The following ODAD2 variants were observed in gnomAD, a reference collection of about 807,000 sequenced individuals.
ODAD2 encodes outer dynein arm docking complex subunit 2, also known as outer dynein arm-docking complex subunit 2.
A neutral mutation model predicts 106.8 loss-of-function variants in ODAD2; 89 were observed. That is an observed-to-expected ratio of 0.83 (90% CI 0.70 to 0.99). ODAD2 has a LOEUF of 0.99. Among genes scored for constraint, ODAD2 ranks in the 50% least tolerant of loss-of-function variants. ODAD2 has a pLI of 0.00. For missense variants in ODAD2, 1,168 were observed against 1,238.5 expected (o/e 0.94, Z 0.85); for synonymous variants, 404 against 436.2 (o/e 0.93, Z 0.92).
chr10:27,871,617 T>C (rs1049891318), intron 17 of ODAD2, among the ~76,000 whole-genome samples: 6 of 152,252 alleles, frequency 3.9e-5, no homozygotes, highest in African/African-American at 7.2e-5. Flanking sequence ...TAGGGAATCC[T>C]TTCCCCATTT....
intron 16 of ODAD2, among the ~76,000 whole-genome samples, chr10:27,916,954 C>T (rs995633574): frequency 1.3e-5 from 2 of 152,052 alleles, no homozygotes; most frequent in African/African-American, 4.8e-5. Context: ...AAAATTTTCA[C>T]ACCCCTTTCT....
intron 10 of ODAD2, among the ~76,000 whole-genome samples, chr10:27,948,779 A>AGTTTTT (rs1847117159): frequency 2.5e-5 from 1 of 40,320 alleles, no homozygotes; most frequent in Non-Finnish European, 4.2e-5. Context: ...TGGCCTTTGG[A>AGTTTTT]TTTTTTTTTT....
At chr10:27,940,067 A>G in intron 13 of ODAD2, 60 bp from the exon 14 acceptor site, 2 of 1,177,858 alleles carry the variant, frequency 1.7e-6, no homozygotes, top group South Asian at 2.8e-5. Context: ...AACTGTTTAC[A>G]TTTATTAATA....
At chr10:27,934,867 G>A (rs1845852756) in intron 16 of ODAD2, 143 bp downstream of exon 16, 38 of 1,123,366 alleles carry the variant, frequency 3.4e-5, no homozygotes, top group Non-Finnish European at 4.3e-5. Flanking sequence ...TCATGATTTG[G>A]TAAACTTGTG....
intron 17 of ODAD2, among the ~76,000 whole-genome samples, chr10:27,889,183 G>T (rs1312200604): frequency 3.3e-5 from 5 of 152,146 alleles, no homozygotes; most frequent in African/African-American, 1.2e-4. Context: ...GTTGCCTGTG[G>T]CTGCTTCTTA....
At chr10:27,929,787 G>A (rs1394053790) in intron 16 of ODAD2, among the ~76,000 whole-genome samples, 1 of 152,174 alleles carries the variant, frequency 6.6e-6, no homozygotes, top group African/African-American at 2.4e-5. Context: ...GAAGTTTACA[G>A]CCAATGGTTT....
intron 14 of ODAD2, 119 bp downstream of exon 14, chr10:27,939,778 A>C (rs1846255041): frequency 4.1e-6 from 2 of 491,010 alleles, no homozygotes; most frequent in Admixed American, 4.2e-5. Context: ...AAAATCAAAT[A>C]AATAAATAAA....
chr10:27,865,337 C>A (rs1564443149), intron 17 of ODAD2, among the ~76,000 whole-genome samples: 2 of 152,226 alleles, frequency 1.3e-5, no homozygotes, highest in South Asian at 4.1e-4. Flanking sequence ...AGAGGGAACA[C>A]TACTTTATGA....
chr10:27,892,005 T>G (rs1240562219), intron 17 of ODAD2, among the ~76,000 whole-genome samples: 1 of 152,170 alleles, frequency 6.6e-6, no homozygotes, highest in Non-Finnish European at 1.5e-5. Context: ...CATCACAACT[T>G]CATAATACTG....
At chr10:27,850,444 CAAAAAAAAAAAAA>C (rs10713871) in intron 19 of ODAD2, among the ~76,000 whole-genome samples, 1 of 89,582 alleles carries the variant, frequency 1.1e-5, no homozygotes. Flanking sequence ...GACTCCGTCT[CAAAAAAAAAAAAA>C]AAAAAAAAAG....
chr10:27,853,310 T>C (rs979860384), intron 19 of ODAD2: 3 of 269,064 alleles, frequency 1.1e-5, no homozygotes, highest in African/African-American at 2.4e-5. Context: ...GAGGTTGCAG[T>C]GAGCCAAGAT....
chr10:27,987,747 G>A lies in ODAD2; in HGVS notation c.225-204C>T, dbSNP rs117212827. 1.7e-3 allele frequency among the ~76,000 whole-genome samples: 258 copies of A among 151,408 alleles called. 11 individuals carry two copies. In the East Asian group the frequency reaches 0.037, roughly 22 times the overall value. On this transcript the variant is annotated intron_variant, in intron 2 of 19. Transcript: ENST00000305242. ...CCTCAAACTTACCAGCAAGCCTAGTGACCAATAGGATATAACCAAGGAAGA... is the reference window on the plus strand; with the variant it reads ...CCTCAAACTTACCAGCAAGCCTAGTAACCAATAGGATATAACCAAGGAAGA...
chr10:27,944,392 G>T lies in ODAD2; in HGVS notation c.1573C>A (p.Pro525Thr), dbSNP rs1846717018. ...LKILKEISHN[P>T]QIRQNIVDLG... is the part of the protein sequence containing the mutation. Reference sequence around the variant, plus strand: ...TCAACAATATTCTGTCTGATTTGAGGATTATGACTGATTTCCTTCAGTATT... The same window carrying T: ...TCAACAATATTCTGTCTGATTTGAGTATTATGACTGATTTCCTTCAGTATT... Residue 525 changes from proline (P) to threonine (T), a missense_variant, in exon 12 of 20, where the codon CCT (proline) becomes ACT (threonine). Transcript: ENST00000305242. 1 of 1,613,924 alleles carries T rather than the reference G, an allele frequency of 6.2e-7. No individual in the cohort carries two copies. The highest frequency in any genetic ancestry group is 8.5e-7 in the Non-Finnish European group (1 of 1,179,894).
At chr10:27,828,448 G>A (rs1171239197) in intron 19 of ODAD2, among the ~76,000 whole-genome samples, 4 of 152,102 alleles carry the variant, frequency 2.6e-5, no homozygotes, top group Non-Finnish European at 5.9e-5. Context: ...GCCGGGAGAA[G>A]GAATATTCAA....
chr10:27,921,460 A>G (rs1036333829), intron 16 of ODAD2, among the ~76,000 whole-genome samples: 1 of 152,068 alleles, frequency 6.6e-6, no homozygotes, highest in African/African-American at 2.4e-5. Flanking sequence ...TATGCCAGGT[A>G]GTTTGTATAA....
At chr10:27,922,334 T>G (rs1244771091) in intron 16 of ODAD2, among the ~76,000 whole-genome samples, 3 of 151,952 alleles carry the variant, frequency 2.0e-5, no homozygotes, top group African/African-American at 7.3e-5. Context: ...CCTAGAGGGA[T>G]GAGCTCCAAA....
chr10:27,845,190 A>C (rs1838636573), intron 19 of ODAD2, among the ~76,000 whole-genome samples: 1 of 152,232 alleles, frequency 6.6e-6, no homozygotes, highest in Non-Finnish European at 1.5e-5. Context: ...GGTTACACAC[A>C]AAGGGAAGCC....
intron 16 of ODAD2, among the ~76,000 whole-genome samples, chr10:27,920,564 C>G (rs1447501794): frequency 6.6e-6 from 1 of 152,130 alleles, no homozygotes; most frequent in Non-Finnish European, 1.5e-5. Context: ...CACATAATTA[C>G]TCTCCATTTG....
intron 19 of ODAD2, among the ~76,000 whole-genome samples, chr10:27,835,326 T>C (rs1041435993): frequency 3.9e-5 from 6 of 152,180 alleles, no homozygotes; most frequent in Admixed American, 1.3e-4. Context: ...GGACTTTAAT[T>C]CAGGGAGGTG....
Sources: gnomAD v4.1 joint callset for allele counts (sites outside exome capture counted in the v4.1 genomes callset) on GRCh38, gnomAD v4.1.1 for gene constraint, MANE v1.5 for transcripts, NCBI Gene and HGNC (gene_info 2026-07-23, HGNC 2026-07-21) for gene names.